SERPINB8: variants seen among roughly 807,000 people sequenced by gnomAD.
SERPINB8 encodes serpin B8.
A neutral mutation model predicts 35.3 loss-of-function variants in SERPINB8; 25 were observed. That is an observed-to-expected ratio of 0.71 (90% CI 0.52 to 0.99). The LOEUF (loss-of-function observed/expected upper bound fraction) is 0.99, where lower values mean the gene tolerates loss of function less well. Ranked by LOEUF, SERPINB8 falls within the 50% of genes least tolerant of loss-of-function variation. The pLI is 0.00. For synonymous variants in SERPINB8, 186 were observed against 160.8 expected (o/e 1.16, Z -1.19); for missense variants, 484 against 446.5 (o/e 1.08, Z -0.76).
In SERPINB8 at chr18:63,981,798, C is replaced by T. The variant is rs756977242; in HGVS notation, c.384C>T (p.Cys128=). 10 of 1,613,388 alleles carry T rather than the reference C, an allele frequency of 6.2e-6. No homozygotes were observed. Among genetic ancestry groups the T allele is most frequent in the Non-Finnish European group, 8.5e-6 (10 of 1,179,634 alleles). ...ELSFAEDTEE[C]RKHINDWVAE... ...CCTTTGCTGAAGACACTGAAGAGTG[C>T]AGGAAGCATATAAATGACTGGGTGG... Residue 128 remains cysteine (C), a synonymous_variant, in exon 4 of 7, where the codon TGC becomes TGT. Transcript: ENST00000397985.
At chr18:63,984,062 G>T (rs28486063) in intron 5 of SERPINB8, among the ~76,000 whole-genome samples, 16,559 of 152,100 alleles carry the variant, frequency 0.11, 905 homozygotes, top group African/African-American at 0.14. Flanking sequence ...GCCCAGGTTG[G>T]TCTCAAACTC....
intron 1 of SERPINB8, among the ~76,000 whole-genome samples, chr18:63,995,694 G>C (rs79733741): frequency 0.015 from 2,340 of 152,264 alleles, 35 homozygotes; most frequent in Non-Finnish European, 0.024. Flanking sequence ...ATCCCCACCT[G>C]CTTTAGAGAG....
At position 63,986,228 on chromosome 18, in the gene SERPINB8, C is replaced by CT. The variant is rs781145724; in HGVS notation, c.721-640dup. 6.2e-6 allele frequency: 10 copies of CT among 1,608,838 alleles called. No individual in the cohort carries two copies. In the Admixed American group the frequency reaches 1.3e-4, roughly 22 times the overall value. On this transcript the variant is annotated intron_variant, in intron 6 of 6. Transcript: ENST00000397985. ...AGATGCTAGTGGAAGGCCTTTCTCCCTTTTTTCTTTCTACCTTATTGATAA... is the reference window on the plus strand; with the variant it reads ...AGATGCTAGTGGAAGGCCTTTCTCCCTTTTTTTCTTTCTACCTTATTGATAA...
intron 5 of SERPINB8, among the ~76,000 whole-genome samples, 157 bp downstream of exon 5, chr18:63,983,878 T>C (rs917977609): frequency 1.3e-5 from 2 of 152,150 alleles, no homozygotes; most frequent in East Asian, 1.9e-4. Context: ...ACAGGGTCTC[T>C]TTTTGTCACC....
At chr18:64,019,601 T>C (rs2050966874) in exon 8 of SERPINB8, 2 of 152,022 alleles carry the variant, frequency 1.3e-5, no homozygotes, top group Admixed American at 1.3e-4. Context: ...ATCTACCCCA[T>C]GTTTAATACT....
chr18:63,982,177 T>C (rs1384507159), intron 4 of SERPINB8, among the ~76,000 whole-genome samples: 1 of 152,168 alleles, frequency 6.6e-6, no homozygotes, highest in East Asian at 1.9e-4. Flanking sequence ...AGTTGCGGCT[T>C]AGAGAGGGCA....
At chr18:63,978,557 C>T (rs1443969896) in intron 2 of SERPINB8, 81 bp downstream of exon 2, 1 of 1,522,310 alleles carries the variant, frequency 6.6e-7, no homozygotes, top group Non-Finnish European at 9.0e-7. Flanking sequence ...TACTTTTGCT[C>T]TAGCTGAGGC....
intron 4 of SERPINB8, 68 bp downstream of exon 4, chr18:63,981,906 A>AGTCC: frequency 9.8e-6 from 11 of 1,125,480 alleles, no homozygotes; most frequent in African/African-American, 3.1e-5. Flanking sequence ...CTGGGATGGG[A>AGTCC]CTTCCCAGGG....
intron 3 of SERPINB8, among the ~76,000 whole-genome samples, chr18:63,980,331 T>A (rs1479998910): frequency 1.3e-4 from 20 of 152,334 alleles, no homozygotes; most frequent in Non-Finnish European, 2.9e-4. Flanking sequence ...CACCTACAAC[T>A]GACACAATCG....
At chr18:63,985,512 A>G (rs948480838) in intron 6 of SERPINB8, among the ~76,000 whole-genome samples, 7 of 152,210 alleles carry the variant, frequency 4.6e-5, no homozygotes, top group Admixed American at 6.5e-5. Context: ...TTCTGCATGG[A>G]AGGTCTATTT....
In SERPINB8 at chr18:63,984,969, T is replaced by C. The variant is rs529617132; in HGVS notation, c.568-124T>C. The stretch of plus-strand genomic sequence containing the variant: ...AAGATGTACTAATGAAGATTTTATA[T>C]CTATCAGCATAAATGTGCAGAAACA... On this transcript the variant is annotated intron_variant, in intron 5 of 6. Transcript: ENST00000397985. The C allele has an allele frequency of 3.8e-5, 33 of 868,124 alleles. No individual in the cohort carries two copies. In the African/African-American group the frequency reaches 3.9e-4, roughly 10 times the overall value. The allele number at this position is 868,124 out of a possible 1,614,324, so 53.8% of individuals were successfully genotyped here.
intron 5 of SERPINB8, 21 bp downstream of exon 5, chr18:63,983,742 T>C: frequency 6.4e-7 from 1 of 1,566,448 alleles, no homozygotes; most frequent in Non-Finnish European, 8.8e-7. Flanking sequence ...ATTTTTCAGA[T>C]ATACTGCTAC....
chr18:63,993,213 C>T (rs564241343), downstream of SERPINB8, among the ~76,000 whole-genome samples: 1 of 152,004 alleles, frequency 6.6e-6, no homozygotes, highest in East Asian at 1.9e-4. Flanking sequence ...AAAAAATTTC[C>T]CTAAGTATTG....
At chr18:63,977,520 G>A (rs897218019) in intron 1 of SERPINB8, among the ~76,000 whole-genome samples, 2 of 152,226 alleles carry the variant, frequency 1.3e-5, no homozygotes, top group African/African-American at 4.8e-5. Context: ...TAGAGATGGG[G>A]TTTCACCTTG....
chr18:63,970,121 C>A lies in SERPINB8; in HGVS notation c.-60C>A. 3.0e-6 allele frequency: 1 copy of A among 331,904 alleles called. No individual in the cohort carries two copies. The highest frequency in any genetic ancestry group is 2.3e-5 in the South Asian group (1 of 43,458). 20.6% of individuals were successfully genotyped at this position (331,904 alleles called of 1,614,324 possible). On this transcript the variant is annotated 5_prime_UTR_variant, in exon 1 of 7. Transcript: ENST00000397985. ...GAAGCATCTACAAAGGAGGAATAGTCAAAGCAGCAGCGGCGGCGGCGGCGG... is the reference window on the plus strand; with the variant it reads ...GAAGCATCTACAAAGGAGGAATAGTAAAAGCAGCAGCGGCGGCGGCGGCGG...
rs12957985 is a variant in SERPINB8, at chr18:63,978,702, C to G, written c.168+226C>G. Among the ~76,000 whole-genome samples, 1,105 of 152,316 alleles carry G rather than the reference C, an allele frequency of 7.3e-3. 11 individuals carry two copies. Among genetic ancestry groups the G allele is most frequent in the African/African-American group, 0.025 (1,046 of 41,562 alleles). ...AAGTCAAGCCATAGAGTTATTTTCT[C>G]TAGATCAGATCATCAATACAGTCTG... On this transcript the variant is annotated intron_variant, in intron 2 of 6. Coordinates refer to ENST00000397985, the MANE Select transcript of SERPINB8 (RefSeq NM_002640.4).
chr18:64,005,734 A>G (rs554127830), downstream of SERPINB8: 2 of 152,342 alleles, frequency 1.3e-5, no homozygotes, highest in Admixed American at 1.3e-4. Flanking sequence ...TGTTTATTCA[A>G]TGCTATTACT....
chr18:64,016,292 C>A (rs1163854541), intron 7 of SERPINB8, among the ~76,000 whole-genome samples: 1 of 152,182 alleles, frequency 6.6e-6, no homozygotes, highest in African/African-American at 2.4e-5. Context: ...CCGTTTTTCC[C>A]AAATCCCAAA....
At chr18:64,014,779 G>T (rs1016787868) in intron 7 of SERPINB8, among the ~76,000 whole-genome samples, 3 of 151,920 alleles carry the variant, frequency 2.0e-5, no homozygotes, top group African/African-American at 7.3e-5. Context: ...GCTCCATGCC[G>T]TTTTTAAAAA....
Sources: gnomAD v4.1 joint callset for allele counts (sites outside exome capture counted in the v4.1 genomes callset) on GRCh38, gnomAD v4.1.1 for gene constraint, MANE v1.5 for transcripts, NCBI Gene and HGNC (gene_info 2026-07-23, HGNC 2026-07-21) for gene names.